Variants in MALRD1 observed in about 807,000 individuals in gnomAD.
The protein encoded by MALRD1 is MAM and LDL receptor class A domain containing 1, also known as MAM and LDL-receptor class A domain-containing protein 1.
MALRD1 carries 247 observed loss-of-function variants against 242.1 expected under a neutral mutation model. That is an observed-to-expected ratio of 1.02 (90% CI 0.92 to 1.13). The LOEUF (loss-of-function observed/expected upper bound fraction) is 1.13, where lower values mean the gene tolerates loss of function less well. Among genes scored for constraint, MALRD1 ranks in the 50% most tolerant of loss-of-function variants. MALRD1 has a pLI of 0.00. For missense variants in MALRD1, 2,989 were observed against 2,533.1 expected (o/e 1.18, Z -3.86); for synonymous variants, 995 against 866.6 (o/e 1.15, Z -2.60).
intron 32 of MALRD1, among the ~76,000 whole-genome samples, chr10:19,556,816 G>A (rs1156798139): frequency 6.6e-6 from 1 of 152,130 alleles, no homozygotes. Flanking sequence ...AGTATGTTCA[G>A]TTTTGTAAGA....
chr10:19,146,391 G>T, intron 11 of MALRD1, 47 bp downstream of exon 11: 4 of 1,200,602 alleles, frequency 3.3e-6, no homozygotes, highest in Non-Finnish European at 4.2e-6. Flanking sequence ...TTTCTTGCAT[G>T]TTGTGGAATG....
At chr10:19,253,677 C>G (rs1839389080) in intron 18 of MALRD1, among the ~76,000 whole-genome samples, 1 of 151,964 alleles carries the variant, frequency 6.6e-6, no homozygotes, top group South Asian at 2.1e-4. Context: ...TGTTTAAGAG[C>G]CAACTGTATA....
chr10:19,593,953 G>A (rs903297836), intron 33 of MALRD1, among the ~76,000 whole-genome samples: 1 of 152,140 alleles, frequency 6.6e-6, no homozygotes, highest in African/African-American at 2.4e-5. Flanking sequence ...ACAGCACATG[G>A]CCTTTGACCT....
chr10:19,601,805 A>C (rs1449388322), intron 34 of MALRD1, among the ~76,000 whole-genome samples: 1 of 152,076 alleles, frequency 6.6e-6, no homozygotes, highest in Non-Finnish European at 1.5e-5. Context: ...GAAGGGTTCA[A>C]AATATATGTT....
chr10:19,336,250 GA>G (rs1843606898), intron 24 of MALRD1, among the ~76,000 whole-genome samples: 2 of 152,208 alleles, frequency 1.3e-5, no homozygotes, highest in South Asian at 4.1e-4. Context: ...TTGATACAGA[GA>G]CTTCTATGGG....
intron 6 of MALRD1, 139 bp downstream of exon 6, chr10:19,123,732 T>A: frequency 2.3e-6 from 1 of 425,562 alleles, no homozygotes; most frequent in Non-Finnish European, 4.0e-6. Flanking sequence ...TGGGAGGCTG[T>A]GGTGGTTTAT....
chr10:19,441,486 C>T (rs2993647), intron 28 of MALRD1, among the ~76,000 whole-genome samples: 106,629 of 152,046 alleles, frequency 0.7, 37,482 homozygotes, highest in Non-Finnish European at 0.74. Flanking sequence ...CTAACATTTA[C>T]GTCTTTAATC....
At chr10:19,275,810 G>T (rs1840491016) in intron 19 of MALRD1, among the ~76,000 whole-genome samples, 1 of 152,192 alleles carries the variant, frequency 6.6e-6, no homozygotes, top group Non-Finnish European at 1.5e-5. Context: ...CCATTTAGCT[G>T]TTTATTGAAG....
intron 4 of MALRD1, among the ~76,000 whole-genome samples, chr10:19,097,604 G>A (rs117382389): frequency 0.012 from 1,893 of 152,258 alleles, 27 homozygotes; most frequent in Non-Finnish European, 0.018. Flanking sequence ...TTTTGTCAGA[G>A]GCATTAGTAC....
chr10:19,488,963 G>A, intron 29 of MALRD1: 1 of 430,206 alleles, frequency 2.3e-6, no homozygotes, highest in Non-Finnish European at 4.7e-6. Flanking sequence ...AATTTAGCGG[G>A]GGCGGAGGAG....
chr10:19,659,421 A>G (rs1170774375), intron 36 of MALRD1, among the ~76,000 whole-genome samples: 1 of 152,166 alleles, frequency 6.6e-6, no homozygotes, highest in African/African-American at 2.4e-5. Context: ...TACTTACATG[A>G]TGAGATTCTT....
chr10:19,367,490 C>T (rs1224724470), intron 26 of MALRD1, among the ~76,000 whole-genome samples: 2 of 151,958 alleles, frequency 1.3e-5, no homozygotes, highest in African/African-American at 4.8e-5. Context: ...ATATTTTTAC[C>T]ACATTTTCTT....
At position 19,501,976 on chromosome 10, in the gene MALRD1, G is replaced by A. The variant is rs143185444; in HGVS notation, c.5320+3330G>A. Among the ~76,000 whole-genome samples the A allele has an allele frequency of 1.6e-4, 23 of 143,550 alleles. No individual in the cohort carries two copies. The East Asian group carries it at 4.4e-3, about 27-fold the overall frequency. The allele number at this position is 143,550 out of a possible 152,430, so 94.2% of individuals were successfully genotyped here. On this transcript the variant is annotated intron_variant, in intron 31 of 39. Transcript: ENST00000454679. ...CCCATGAGATTGAGGCTGCAGTGTC[G>A]TGTTTACTCCATTGCACTCCAGCAA...
At chr10:19,464,711 A>G (rs114848650) in intron 29 of MALRD1, among the ~76,000 whole-genome samples, 240 of 152,140 alleles carry the variant, frequency 1.6e-3, no homozygotes, top group African/African-American at 5.5e-3. Flanking sequence ...TCTGTTCCAT[A>G]TGAATTTTAG....
At chr10:19,515,782 A>G (rs1182086120) in intron 31 of MALRD1, among the ~76,000 whole-genome samples, 3 of 151,986 alleles carry the variant, frequency 2.0e-5, no homozygotes, top group East Asian at 3.9e-4. Context: ...GTTAGCCAGG[A>G]TGGTCTCAAT....
intron 33 of MALRD1, among the ~76,000 whole-genome samples, chr10:19,579,480 T>TGA (rs1470853287): frequency 6.6e-6 from 1 of 152,202 alleles, no homozygotes; most frequent in Admixed American, 6.5e-5. Context: ...CCTTTTATAC[T>TGA]AAGAGAAAGA....
intron 31 of MALRD1, 140 bp downstream of exon 31, chr10:19,498,786 C>CCTG: frequency 3.0e-6 from 3 of 1,011,676 alleles, no homozygotes; most frequent in South Asian, 3.9e-5. Flanking sequence ...GAGGGCTAGT[C>CCTG]TCTTCTATTG....
intron 11 of MALRD1, among the ~76,000 whole-genome samples, chr10:19,148,657 G>C (rs547360243): frequency 5.3e-5 from 8 of 151,350 alleles, no homozygotes; most frequent in Middle Eastern, 6.8e-3. Context: ...ATTCTTTTCC[G>C]GTGAGATGAA....
chr10:19,080,316 C>A (rs2131277542), intron 2 of MALRD1, among the ~76,000 whole-genome samples: 1 of 152,016 alleles, frequency 6.6e-6, no homozygotes, highest in Admixed American at 6.6e-5. Flanking sequence ...CCAAGACACT[C>A]CTAAACAAAA....
Sources: allele counts gnomAD v4.1 joint callset (sites outside exome capture counted in the v4.1 genomes callset), GRCh38; gene constraint gnomAD v4.1.1; transcripts MANE v1.5; gene names NCBI Gene and HGNC (gene_info 2026-07-23, HGNC 2026-07-21).